Variants in DCAF7 observed in about 807,000 individuals in gnomAD.
The protein encoded by DCAF7 is DDB1- and CUL4-associated factor 7.
In DCAF7, 4 loss-of-function variants were observed where a neutral mutation model predicts 41.2. That is an observed-to-expected ratio of 0.10 (90% CI 0.05 to 0.22). The LOEUF (loss-of-function observed/expected upper bound fraction) is 0.22, where lower values mean the gene tolerates loss of function less well. DCAF7 is among the 10% of genes least tolerant of loss of function. The pLI, the probability that DCAF7 is intolerant of heterozygous loss-of-function variation, is 1.00. For missense variants in DCAF7, 131 were observed against 443.2 expected, an observed-to-expected ratio of 0.30 and a Z score of 6.32; for synonymous variants, 143 against 164.2, an observed-to-expected ratio of 0.87 and a Z score of 0.99.
At chr17:63,583,744 G>A (rs775743038) in intron 5 of DCAF7, 33 bp downstream of exon 5, 4 of 1,603,018 alleles carry the variant, frequency 2.5e-6, no homozygotes, top group Middle Eastern at 3.3e-4. Flanking sequence ...CATGGGCCCT[G>A]CCTAACTCCA....
intron 1 of DCAF7, among the ~76,000 whole-genome samples, chr17:63,551,196 G>A (rs2033248946): frequency 6.6e-6 from 1 of 152,044 alleles, no homozygotes; most frequent in African/African-American, 2.4e-5. Flanking sequence ...AAGAGAGAGT[G>A]ATAGCTGTGA....
intron 1 of DCAF7, among the ~76,000 whole-genome samples, chr17:63,565,521 G>A (rs571490949): frequency 1.1e-4 from 17 of 151,858 alleles, no homozygotes; most frequent in Middle Eastern, 3.4e-3. Context: ...AGCCAAGATC[G>A]CACCATTGCA....
At chr17:63,580,149 G>T (rs2033605293) in intron 4 of DCAF7, among the ~76,000 whole-genome samples, 1 of 152,070 alleles carries the variant, frequency 6.6e-6, no homozygotes, top group Non-Finnish European at 1.5e-5. Flanking sequence ...TAATGTAAAT[G>T]ACCTATTCTA....
intron 1 of DCAF7, among the ~76,000 whole-genome samples, chr17:63,566,745 T>C (rs2033446734): frequency 6.6e-6 from 1 of 151,946 alleles, no homozygotes. Flanking sequence ...CTACAGACAA[T>C]TCAAAAATTA....
At chr17:63,588,126 T>C (rs2033696500) in intron 6 of DCAF7, among the ~76,000 whole-genome samples, 1 of 151,910 alleles carries the variant, frequency 6.6e-6, no homozygotes. Flanking sequence ...TTATTTTTCA[T>C]GTGCTTTTAT....
intron 6 of DCAF7, 82 bp downstream of exon 6, chr17:63,585,410 G>C: frequency 2.4e-6 from 3 of 1,258,946 alleles, no homozygotes; most frequent in Non-Finnish European, 2.3e-6. Flanking sequence ...AGTTGTTACT[G>C]TTTTCTAAGC....
chr17:63,553,841 A>G (rs554510817), intron 1 of DCAF7, among the ~76,000 whole-genome samples: 2 of 152,366 alleles, frequency 1.3e-5, no homozygotes, highest in East Asian at 3.9e-4. Context: ...GTGTTCCTTC[A>G]TGTGAATAAA....
At chr17:63,570,152 C>G (rs1484127757) in intron 1 of DCAF7, among the ~76,000 whole-genome samples, 1 of 152,134 alleles carries the variant, frequency 6.6e-6, no homozygotes, top group Admixed American at 6.5e-5. Flanking sequence ...AGCCTAACAG[C>G]TGACAGAAAT....
Position 63,557,923 on chromosome 17 carries a change from G to A in DCAF7, c.138+7108G>A, listed in dbSNP as rs530076077. Among the ~76,000 whole-genome samples the A allele has an allele frequency of 3.3e-5, 5 of 152,302 alleles. No individual in the cohort carries two copies. In the South Asian group the frequency reaches 1.0e-3, roughly 32 times the overall value. On this transcript the variant is annotated intron_variant, in intron 1 of 6. Coordinates refer to ENST00000614556, the MANE Select transcript of DCAF7 (RefSeq NM_005828.5). The stretch of plus-strand genomic sequence containing the variant: ...GTGTTTTGTTTTGTTTTGAGACAGT[G>A]TCTCACTCTGTTGCCCAGGCTGGGT...
At chr17:63,569,201 G>A (rs1377601614) in intron 1 of DCAF7, among the ~76,000 whole-genome samples, 1 of 152,128 alleles carries the variant, frequency 6.6e-6, no homozygotes, top group Non-Finnish European at 1.5e-5. Flanking sequence ...TGGTTAAGAA[G>A]CACTGATCTA....
At chr17:63,581,683 G>A (rs1023508832) in intron 4 of DCAF7, among the ~76,000 whole-genome samples, 3 of 152,218 alleles carry the variant, frequency 2.0e-5, no homozygotes, top group Non-Finnish European at 4.4e-5. Flanking sequence ...AGAAGAGCAG[G>A]GAGAAAGGCC....
chr17:63,553,725 ATTT>A (rs959224369), intron 1 of DCAF7, among the ~76,000 whole-genome samples: 1 of 152,216 alleles, frequency 6.6e-6, no homozygotes, highest in African/African-American at 2.4e-5. Context: ...CATGGTTGTA[ATTT>A]TTAAAAATTT....
chr17:63,587,205 A>G (rs1305253867), intron 6 of DCAF7, among the ~76,000 whole-genome samples: 2 of 152,204 alleles, frequency 1.3e-5, no homozygotes, highest in Admixed American at 1.3e-4. Flanking sequence ...TTTGGAAGGC[A>G]TGAAGCTTTT....
chr17:63,571,193 AAAAAG>A (rs1331202870), intron 1 of DCAF7, among the ~76,000 whole-genome samples: 1 of 152,172 alleles, frequency 6.6e-6, no homozygotes, highest in African/African-American at 2.4e-5. Flanking sequence ...CTCAAAAAAA[AAAAAG>A]AAAAGAAAAT....
chr17:63,559,384 T>TAG (rs2033350625), intron 1 of DCAF7, among the ~76,000 whole-genome samples: 2 of 52,954 alleles, frequency 3.8e-5, no homozygotes, highest in African/African-American at 7.2e-5. Flanking sequence ...TGTGTATATA[T>TAG]ATGTATATAT....
chr17:63,577,218 A>G (rs1011044235), intron 1 of DCAF7, among the ~76,000 whole-genome samples: 1 of 152,164 alleles, frequency 6.6e-6, no homozygotes, highest in Admixed American at 6.5e-5. Context: ...ACAACTGTAC[A>G]TTTGCCAAAA....
intron 1 of DCAF7, among the ~76,000 whole-genome samples, chr17:63,573,804 C>T (rs1340764551): frequency 1.3e-5 from 2 of 152,006 alleles, no homozygotes; most frequent in Non-Finnish European, 2.9e-5. Context: ...TTCATTTGGT[C>T]ACAGTCCCTC....
chr17:63,550,651 G>A lies in DCAF7; in HGVS notation c.-27G>A, dbSNP rs756523119. 3 of 1,611,282 alleles carry A rather than the reference G, an allele frequency of 1.9e-6. No individual in the cohort carries two copies. The highest frequency in any genetic ancestry group is 3.3e-5 in the Admixed American group (2 of 59,982). On this transcript the variant is annotated 5_prime_UTR_variant, in exon 1 of 7. Transcript: ENST00000614556. The surrounding 1 kb of genome is among the most constrained non-coding windows in gnomAD (Gnocchi z 4.8). ...GCCCGCCGCAGCCCACTGTTGACCC[G>A]GCCCGTACTGCGGCCCCGTGGCCAC...
chr17:63,555,648 G>T (rs1001059879), intron 1 of DCAF7, among the ~76,000 whole-genome samples: 3 of 152,066 alleles, frequency 2.0e-5, no homozygotes, highest in African/African-American at 7.2e-5. Context: ...TTAGAATGTC[G>T]CAGTGTTCCA....
Sources: gnomAD v4.1 joint callset for allele counts (sites outside exome capture counted in the v4.1 genomes callset) on GRCh38, gnomAD v4.1.1 for gene constraint, Gnocchi (gnomAD v3.1) non-coding constraint, MANE v1.5 for transcripts, NCBI Gene and HGNC (gene_info 2026-07-23, HGNC 2026-07-21) for gene names.